PXDNL: variants seen among roughly 807,000 people sequenced by gnomAD.
PXDNL encodes the protein probable oxidoreductase PXDNL.
In PXDNL, 145 loss-of-function variants were observed where a neutral mutation model predicts 150.8. The ratio of observed to expected loss-of-function variants is 0.96; its 90% CI spans 0.84 to 1.10. The LOEUF (loss-of-function observed/expected upper bound fraction) is 1.10, where lower values mean the gene tolerates loss of function less well. Among genes scored for constraint, PXDNL ranks in the 50% least tolerant of loss-of-function variants. PXDNL has a pLI of 0.00. For synonymous variants in PXDNL, 757 were observed against 725.7 expected (o/e 1.04, Z -0.69); for missense variants, 2,087 against 1,873.9 (o/e 1.11, Z -2.10).
intron 2 of PXDNL, among the ~76,000 whole-genome samples, chr8:51,594,174 A>G (rs1231384364): frequency 6.6e-6 from 1 of 152,210 alleles, no homozygotes; most frequent in Non-Finnish European, 1.5e-5. Context: ...AGAATAAACT[A>G]TACGTGTGTA....
chr8:51,654,647 A>C, intron 2 of PXDNL, 42 bp downstream of exon 2: 1 of 1,462,452 alleles, frequency 6.8e-7, no homozygotes, highest in East Asian at 2.3e-5. Flanking sequence ...TCCAACCAGC[A>C]TATAATTTTA....
At chr8:51,564,107 A>G (rs1812766289) in intron 3 of PXDNL, among the ~76,000 whole-genome samples, 1 of 151,994 alleles carries the variant, frequency 6.6e-6, no homozygotes, top group African/African-American at 2.4e-5. Flanking sequence ...ATAAAAGGAC[A>G]CTTGCTATTC....
chr8:51,347,486 T>C (rs1563367806), intron 19 of PXDNL, among the ~76,000 whole-genome samples: 1 of 152,226 alleles, frequency 6.6e-6, no homozygotes, highest in Non-Finnish European at 1.5e-5. Flanking sequence ...TCTAGAATAC[T>C]GGTTATGGTT....
Position 51,386,358 on chromosome 8 carries a change from T to C in PXDNL, c.3558-11627A>G, listed in dbSNP as rs771742215. Among the ~76,000 whole-genome samples the C allele has an allele frequency of 1.4e-3, 213 of 152,304 alleles. 1 individual carries two copies. The highest frequency in any genetic ancestry group is 4.4e-4 in the Non-Finnish European group (30 of 68,014). ...CGCCTGCCTCGGCCTCCCAAAGTGC[T>C]GGGATTACAGGCGTGAGCCACTGTG... is the stretch of plus-strand genomic sequence containing the variant. On this transcript the variant is annotated intron_variant, in intron 17 of 22. Transcript: ENST00000356297.
chr8:51,455,115 C>CAAAAAAAAAGAAAAAAA (rs1809906704), intron 9 of PXDNL, among the ~76,000 whole-genome samples: 1 of 15,864 alleles, frequency 6.3e-5, no homozygotes, highest in Non-Finnish European at 1.0e-4. Context: ...GACTCCGTCT[C>CAAAAAAAAAGAAAAAAA]AAAAAAAAAA....
intron 1 of PXDNL, among the ~76,000 whole-genome samples, chr8:51,728,651 T>C (rs754888359): frequency 6.6e-6 from 1 of 152,022 alleles, no homozygotes. Context: ...AGAGAAAATA[T>C]GTTTGTACAG....
rs1396520056 is a variant in PXDNL at position 51,573,381 on chromosome 8, A to T, written c.309-16470T>A. Among the ~76,000 whole-genome samples, 6 of 152,136 alleles carry T rather than the reference A, an allele frequency of 3.9e-5. No homozygotes were observed. The East Asian group carries it at 1.2e-3, about 30-fold the overall frequency. On this transcript the variant is annotated intron_variant, in intron 3 of 22. Coordinates refer to ENST00000356297, the MANE Select transcript of PXDNL (RefSeq NM_144651.5). ...TGACCTCCACCCAAACCAGCAATAA[A>T]GAGCTGTCCTTCCTGCTCCCCACTG...
chr8:51,790,452 G>A (rs1043553061), intron 1 of PXDNL, among the ~76,000 whole-genome samples: 5 of 152,184 alleles, frequency 3.3e-5, no homozygotes, highest in Admixed American at 2.6e-4. Context: ...TTGGTGGAAG[G>A]TTCTACCACC....
intron 1 of PXDNL, among the ~76,000 whole-genome samples, chr8:51,730,315 T>C (rs1054862560): frequency 2.0e-5 from 3 of 152,204 alleles, no homozygotes; most frequent in African/African-American, 7.2e-5. Flanking sequence ...CAAATAACCT[T>C]TTCTGAATTT....
intron 4 of PXDNL, among the ~76,000 whole-genome samples, chr8:51,542,568 G>C (rs188833917): frequency 4.0e-5 from 6 of 151,818 alleles, no homozygotes; most frequent in Admixed American, 6.6e-5. Context: ...CAGCAATTTT[G>C]GAGGCCGAAG....
intron 1 of PXDNL, among the ~76,000 whole-genome samples, chr8:51,682,998 G>C (rs1302339246): frequency 6.6e-6 from 1 of 151,514 alleles, no homozygotes; most frequent in South Asian, 2.1e-4. Context: ...AATCATTTTT[G>C]ATAAATATTC....
At chr8:51,766,201 G>T (rs2037230304) in intron 1 of PXDNL, among the ~76,000 whole-genome samples, 1 of 152,138 alleles carries the variant, frequency 6.6e-6, no homozygotes, top group Non-Finnish European at 1.5e-5. Flanking sequence ...CAACTCGTTT[G>T]CATTAATACC....
chr8:51,473,712 G>A lies in PXDNL; in HGVS notation c.694+1260C>T, dbSNP rs528894576. Among the ~76,000 whole-genome samples the A allele has an allele frequency of 3.3e-5, 5 of 149,790 alleles. No individual in the cohort carries two copies. The East Asian group carries it at 9.8e-4, about 29-fold the overall frequency. On this transcript the variant is annotated intron_variant, in intron 7 of 22. Coordinates refer to ENST00000356297, the MANE Select transcript of PXDNL (RefSeq NM_144651.5). ...TACATATGTAACTAACCTGCGCACT[G>A]AGCACACATACCCTAAAACTTAATG...
chr8:51,653,081 A>G (rs1414580858), intron 2 of PXDNL, among the ~76,000 whole-genome samples: 1 of 152,218 alleles, frequency 6.6e-6, no homozygotes, highest in Non-Finnish European at 1.5e-5. Flanking sequence ...TACATGTTTC[A>G]GTAGACAGTG....
chr8:51,333,747 C>T (rs1805759899), intron 21 of PXDNL, among the ~76,000 whole-genome samples: 1 of 152,160 alleles, frequency 6.6e-6, no homozygotes, highest in African/African-American at 2.4e-5. Context: ...CAGTAAAAGG[C>T]CTTGTCCAAC....
chr8:51,785,990 G>GA (rs1438422748), intron 1 of PXDNL, among the ~76,000 whole-genome samples: 1 of 152,164 alleles, frequency 6.6e-6, no homozygotes, highest in African/African-American at 2.4e-5. Flanking sequence ...GGCTAGAGAA[G>GA]AAAAGTTTGA....
intron 17 of PXDNL, among the ~76,000 whole-genome samples, chr8:51,377,137 C>CACAA: frequency 6.6e-6 from 1 of 150,756 alleles, no homozygotes; most frequent in Non-Finnish European, 1.5e-5. Flanking sequence ...CACACACACA[C>CACAA]ACACACAAAG....
chr8:51,440,685 T>C (rs1189464292), intron 12 of PXDNL, among the ~76,000 whole-genome samples: 1 of 152,206 alleles, frequency 6.6e-6, no homozygotes, highest in East Asian at 1.9e-4. Flanking sequence ...AAAGTATCTA[T>C]CTAGGAAGGA....
At chr8:51,769,010 G>A (rs2037261612) in intron 1 of PXDNL, among the ~76,000 whole-genome samples, 2 of 152,232 alleles carry the variant, frequency 1.3e-5, no homozygotes, top group Non-Finnish European at 2.9e-5. Context: ...GCTGAGGCAG[G>A]AGAATGGCGT....
Sources: allele counts gnomAD v4.1 joint callset (sites outside exome capture counted in the v4.1 genomes callset), GRCh38; gene constraint gnomAD v4.1.1; transcripts MANE v1.5; gene names NCBI Gene and HGNC (gene_info 2026-07-23, HGNC 2026-07-21).